TPR: variants seen among roughly 807,000 people sequenced by gnomAD.
The protein encoded by TPR is nucleoprotein TPR.
Under a neutral mutation model 316.1 loss-of-function variants are expected in TPR, and 51 were observed. That is an observed-to-expected ratio of 0.16 (90% CI 0.13 to 0.20). TPR has a LOEUF of 0.20. Among genes scored for constraint, TPR ranks in the 10% least tolerant of loss-of-function variants. TPR has a pLI of 1.00. For missense variants in TPR, 2,272 were observed against 2,754.8 expected, an observed-to-expected ratio of 0.82 and a Z score of 3.92; for synonymous variants, 981 against 914.7, an observed-to-expected ratio of 1.07 and a Z score of -1.31.
chr1:186,367,881 C>T lies in TPR; in HGVS notation c.427+5G>A. The T allele has an allele frequency of 6.3e-7, 1 of 1,596,470 alleles. No homozygotes were observed. The highest frequency in any genetic ancestry group is 8.6e-7 in the Non-Finnish European group (1 of 1,166,696). On this transcript the variant is annotated splice_donor_5th_base_variant and intron_variant, in intron 4 of 50. Transcript: ENST00000367478. ...GAGCTAAAAGCTACAAGCACTTCTT[C>T]ATACCTGTTAAGTATTCAAGTTCTT...
intron 24 of TPR, 150 bp from the exon 25 acceptor site, chr1:186,344,728 G>T: frequency 3.3e-6 from 2 of 610,432 alleles, no homozygotes; most frequent in Non-Finnish European, 4.9e-6. Flanking sequence ...AAAAGTTAAT[G>T]CTTTAGTTAC....
intron 2 of TPR, among the ~76,000 whole-genome samples, chr1:186,372,448 G>A (rs983213894): frequency 6.6e-6 from 1 of 151,888 alleles, no homozygotes; most frequent in Non-Finnish European, 1.5e-5. Flanking sequence ...AGGCTGAGGC[G>A]CAAGAATCGC....
rs979611891 is a variant in TPR at position 186,346,024 on chromosome 1, T to C, written c.3096+111A>G. The C allele has an allele frequency of 2.2e-5, 28 of 1,275,130 alleles. No homozygotes were observed. The Admixed American group carries it at 6.8e-4, about 31-fold the overall frequency. The allele number at this position is 1,275,130 out of a possible 1,614,324, so 79.0% of individuals were successfully genotyped here. A position where few individuals can be genotyped will look rare whatever the true frequency, so the allele number is the denominator to read the frequency against. On this transcript the variant is annotated intron_variant, in intron 23 of 50. Transcript: ENST00000367478. ...AAACATAAAACTAAAATTTTGCCTA[T>C]GTGTTCAATAAATTTCTGTTGAGAT...
chr1:186,316,266 T>A (rs1657609686), intron 49 of TPR, among the ~76,000 whole-genome samples: 1 of 152,198 alleles, frequency 6.6e-6, no homozygotes, highest in Admixed American at 6.5e-5. Context: ...GTAATTTACA[T>A]ACATTATTTT....
chr1:186,344,170 A>G (rs1658605719), intron 25 of TPR, 80 bp from the exon 26 acceptor site: 1 of 1,487,578 alleles, frequency 6.7e-7, no homozygotes, highest in Non-Finnish European at 9.0e-7. Flanking sequence ...CGCGGTGGCT[A>G]ACGCCTGTAA....
intron 42 of TPR, 23 bp from the exon 43 acceptor site, chr1:186,323,893 T>A: frequency 6.6e-7 from 1 of 1,517,826 alleles, no homozygotes; most frequent in Non-Finnish European, 8.7e-7. Context: ...AGAAATTTAC[T>A]TTTGAACTGC....
At position 186,322,965 on chromosome 1, in the gene TPR, T is replaced by C. The variant is rs73046513; in HGVS notation, c.6298-379A>G. ...TTTTTAAACTGTTTTCCAGTTAAGA[T>C]AATTCTAAATGGACAGATTGGATAT... On this transcript the variant is annotated intron_variant, in intron 43 of 50. Transcript: ENST00000367478. Among the ~76,000 whole-genome samples, 1,481 of 152,300 alleles carry C rather than the reference T, an allele frequency of 9.7e-3. 28 individuals are homozygous for C. The highest frequency in any genetic ancestry group is 0.034 in the African/African-American group (1,413 of 41,562).
At chr1:186,365,443 C>T (rs1659316591) in intron 4 of TPR, among the ~76,000 whole-genome samples, 1 of 152,098 alleles carries the variant, frequency 6.6e-6, no homozygotes, top group African/African-American at 2.4e-5. Context: ...TGTCCCTGGC[C>T]ACCCAGAACC....
intron 10 of TPR, 83 bp downstream of exon 10, chr1:186,360,682 A>G (rs1193482656): frequency 6.4e-7 from 1 of 1,551,900 alleles, no homozygotes; most frequent in Non-Finnish European, 8.8e-7. Context: ...CATGACAGAT[A>G]AATACTATTA....
At chr1:186,362,483 C>T (rs756405523) in intron 6 of TPR, 103 bp from the exon 7 acceptor site, 134 of 818,568 alleles carry the variant, frequency 1.6e-4, no homozygotes, top group Admixed American at 2.4e-4. Context: ...ACTCCCCCTC[C>T]CCACCTGAAA....
intron 29 of TPR, among the ~76,000 whole-genome samples, chr1:186,340,488 G>A (rs745420437): frequency 5.3e-5 from 8 of 151,724 alleles, no homozygotes; most frequent in Non-Finnish European, 8.8e-5. Flanking sequence ...CTAGCATGCA[G>A]TGGCATGATC....
At chr1:186,371,118 A>G in intron 2 of TPR, 75 bp from the exon 3 acceptor site, 1 of 1,072,342 alleles carries the variant, frequency 9.3e-7, no homozygotes, top group South Asian at 1.3e-5. Context: ...GCAACTGCCA[A>G]CCTTACATAT....
At chr1:186,326,033 T>A (rs1370621812) in intron 41 of TPR, 71 bp downstream of exon 41, 1 of 1,600,072 alleles carries the variant, frequency 6.2e-7, no homozygotes, top group Admixed American at 1.7e-5. Context: ...CCTTTCTATA[T>A]CCTTGGAAAA....
intron 29 of TPR, 25 bp from the exon 30 acceptor site, chr1:186,339,797 GATTT>G (rs1244735330): frequency 6.5e-7 from 1 of 1,539,446 alleles, no homozygotes; most frequent in Non-Finnish European, 8.7e-7. Flanking sequence ...ATGCATACTT[GATTT>G]TTTTAGGTTT....
At chr1:186,351,884 A>ATAAATTTTCTAATT (rs1163969645) in intron 19 of TPR, 92 bp downstream of exon 19, 2 of 1,423,330 alleles carry the variant, frequency 1.4e-6, no homozygotes, top group Admixed American at 4.8e-5. Flanking sequence ...AAAGTGATGG[A>ATAAATTTTCTAATT]TAAATTTTCT....
chr1:186,327,867 C>T (rs376698337), intron 39 of TPR, among the ~76,000 whole-genome samples: 7 of 151,970 alleles, frequency 4.6e-5, no homozygotes, highest in East Asian at 1.9e-4. Flanking sequence ...CTGAAACCTC[C>T]GCCCCACTGG....
intron 7 of TPR, among the ~76,000 whole-genome samples, 191 bp downstream of exon 7, chr1:186,362,097 A>G (rs962303138): frequency 2.6e-5 from 4 of 151,994 alleles, no homozygotes; most frequent in Admixed American, 2.0e-4. Context: ...CATTTTTTAG[A>G]TAGTATTTTC....
intron 37 of TPR, 51 bp from the exon 38 acceptor site, chr1:186,332,394 G>A (rs757193659): frequency 3.1e-6 from 5 of 1,588,250 alleles, no homozygotes; most frequent in Admixed American, 1.7e-5. Context: ...ACTCAATTTA[G>A]ATAAAGATAG....
At chr1:186,328,632 A>C (rs1358136854) in intron 39 of TPR, among the ~76,000 whole-genome samples, 4 of 152,192 alleles carry the variant, frequency 2.6e-5, no homozygotes, top group Non-Finnish European at 5.9e-5. Flanking sequence ...AATGCAGTGA[A>C]TAAATAAGCT....
Sources: allele counts gnomAD v4.1 joint callset (sites outside exome capture counted in the v4.1 genomes callset), GRCh38; gene constraint gnomAD v4.1.1; transcripts MANE v1.5; gene names NCBI Gene and HGNC (gene_info 2026-07-23, HGNC 2026-07-21).